RGS22: variants seen among roughly 807,000 people sequenced by gnomAD.
RGS22 encodes regulator of G protein signaling 22.
A neutral mutation model predicts 172.9 loss-of-function variants in RGS22; 148 were observed. That is an observed-to-expected ratio of 0.86 (90% CI 0.75 to 0.98). The LOEUF (loss-of-function observed/expected upper bound fraction) is 0.98, where lower values mean the gene tolerates loss of function less well. Among genes scored for constraint, RGS22 ranks in the 50% least tolerant of loss-of-function variants. RGS22 has a pLI of 0.00. For missense variants in RGS22, 1,347 were observed against 1,440.8 expected (o/e 0.93, Z 1.05); for synonymous variants, 458 against 480.2 (o/e 0.95, Z 0.60).
intron 23 of RGS22, among the ~76,000 whole-genome samples, chr8:99,972,218 C>A (rs968276575): frequency 1.3e-5 from 2 of 152,034 alleles, no homozygotes; most frequent in African/African-American, 2.4e-5. Context: ...TGAAACTGGA[C>A]CCCTTCCTTA....
chr8:100,085,720 G>A (rs1197369734), intron 3 of RGS22, among the ~76,000 whole-genome samples: 1 of 152,144 alleles, frequency 6.6e-6, no homozygotes, highest in Non-Finnish European at 1.5e-5. Context: ...TAAGAGGCAG[G>A]AAGGATGACA....
intron 23 of RGS22, among the ~76,000 whole-genome samples, chr8:99,969,034 G>A (rs764490089): frequency 1.0e-3 from 155 of 152,300 alleles, no homozygotes; most frequent in Non-Finnish European, 1.8e-3. Flanking sequence ...ACTGACAGCG[G>A]ATCTCTCGGC....
At chr8:100,024,614 T>C (rs891592181) in intron 14 of RGS22, among the ~76,000 whole-genome samples, 4 of 152,204 alleles carry the variant, frequency 2.6e-5, no homozygotes, top group Admixed American at 1.3e-4. Flanking sequence ...TTCATAAAGA[T>C]AGTTTAAGAT....
intron 14 of RGS22, among the ~76,000 whole-genome samples, chr8:100,035,602 T>C (rs1563646747): frequency 6.6e-6 from 1 of 152,218 alleles, no homozygotes; most frequent in South Asian, 2.1e-4. Context: ...GCGATCCCAT[T>C]ACTGGGTATA....
intron 14 of RGS22, among the ~76,000 whole-genome samples, chr8:100,035,082 G>A (rs1043345609): frequency 2.0e-5 from 3 of 152,132 alleles, no homozygotes; most frequent in African/African-American, 7.2e-5. Flanking sequence ...AAAAGCAATG[G>A]CAACAAAAGC....
intron 4 of RGS22, 49 bp from the exon 5 acceptor site, chr8:100,072,279 T>G: frequency 1.7e-6 from 2 of 1,164,390 alleles, no homozygotes; most frequent in East Asian, 4.8e-5. Flanking sequence ...AAAATCACTT[T>G]TAGGATGATT....
At chr8:99,962,467 G>A in intron 26 of RGS22, 24 bp from the exon 27 acceptor site, 1 of 1,610,516 alleles carries the variant, frequency 6.2e-7, no homozygotes, top group Non-Finnish European at 8.5e-7. Context: ...GAAGTTTTAT[G>A]TATATATTTA....
At chr8:100,078,195 G>A (rs1811495908) in intron 4 of RGS22, among the ~76,000 whole-genome samples, 1 of 151,840 alleles carries the variant, frequency 6.6e-6, no homozygotes, top group Non-Finnish European at 1.5e-5. Flanking sequence ...TTTACTTGGG[G>A]TGCTTACGCC....
chr8:100,088,834 G>A (rs1801000135), intron 3 of RGS22, among the ~76,000 whole-genome samples: 1 of 152,076 alleles, frequency 6.6e-6, no homozygotes, highest in African/African-American at 2.4e-5. Context: ...TACAGATAGG[G>A]AAAAAGTCTC....
intron 14 of RGS22, among the ~76,000 whole-genome samples, chr8:100,011,673 A>C (rs949137941): frequency 6.6e-6 from 1 of 152,236 alleles, no homozygotes; most frequent in African/African-American, 2.4e-5. Context: ...AATGGACTAG[A>C]TACTGACTCC....
intron 3 of RGS22, among the ~76,000 whole-genome samples, chr8:100,089,211 A>AACACAC (rs58302018): frequency 0.037 from 5,279 of 144,578 alleles, 317 homozygotes; most frequent in African/African-American, 0.12. Context: ...CACACACACA[A>AACACAC]ACACACACAC....
At chr8:100,092,508 T>C (rs1162637197) in intron 3 of RGS22, among the ~76,000 whole-genome samples, 1 of 152,150 alleles carries the variant, frequency 6.6e-6, no homozygotes, top group Non-Finnish European at 1.5e-5. Context: ...TGAGAGTGGG[T>C]TGGTTATCAA....
rs191605179 is a variant in RGS22, at chr8:99,977,568, G to A, written c.3519+349C>T. Reference sequence around the variant, plus strand: ...AGGACTTATAAAACAAGGATAAGGCGGATACTATCATTGAGGATCTTAGTC... The same window carrying A: ...AGGACTTATAAAACAAGGATAAGGCAGATACTATCATTGAGGATCTTAGTC... On this transcript the variant is annotated intron_variant, in intron 23 of 27. Coordinates refer to ENST00000360863, the MANE Select transcript of RGS22 (RefSeq NM_015668.5). Among the ~76,000 whole-genome samples the A allele has an allele frequency of 3.0e-4, 46 of 152,110 alleles. 1 individual carries two copies. In the East Asian group the frequency reaches 7.7e-3, roughly 26 times the overall value.
rs140682781 is a variant in RGS22 at position 100,054,913 on chromosome 8, C to T, written c.1515-1937G>A. 5.3e-3 allele frequency among the ~76,000 whole-genome samples: 814 copies of T among 152,330 alleles called. 6 individuals carry two copies. The highest frequency in any genetic ancestry group is 0.018 in the African/African-American group (747 of 41,578). ...TGATGGTGGTTGTGGGGTAAGGCTC[C>T]TCCACCTTTGGAAAGTGGAAGGAAC... On this transcript the variant is annotated intron_variant, in intron 9 of 27. Coordinates refer to ENST00000360863, the MANE Select transcript of RGS22 (RefSeq NM_015668.5).
At chr8:100,027,972 T>C (rs1050395570) in intron 14 of RGS22, among the ~76,000 whole-genome samples, 1 of 152,148 alleles carries the variant, frequency 6.6e-6, no homozygotes, top group African/African-American at 2.4e-5. Flanking sequence ...TATATGATCT[T>C]GTAAAATACA....
intron 22 of RGS22, 138 bp downstream of exon 22, chr8:99,981,799 C>A (rs1352160178): frequency 7.0e-5 from 30 of 427,306 alleles, no homozygotes; most frequent in East Asian, 1.2e-4. Context: ...TGAGCTCAAA[C>A]AATCTGCCTG....
intron 14 of RGS22, among the ~76,000 whole-genome samples, chr8:100,037,074 T>C (rs1481955532): frequency 6.6e-6 from 1 of 152,226 alleles, no homozygotes; most frequent in Non-Finnish European, 1.5e-5. Flanking sequence ...GCAGTTCTTG[T>C]ATCTTAAGTC....
At chr8:100,064,250 T>A (rs1315400147) in intron 7 of RGS22, among the ~76,000 whole-genome samples, 3 of 152,032 alleles carry the variant, frequency 2.0e-5, no homozygotes, top group Admixed American at 2.0e-4. Context: ...GGTGGATCAC[T>A]TGAGGTCAGG....
At chr8:100,009,740 T>C (rs1245181663) in intron 14 of RGS22, among the ~76,000 whole-genome samples, 1 of 152,208 alleles carries the variant, frequency 6.6e-6, no homozygotes, top group Non-Finnish European at 1.5e-5. Context: ...GATATAAATT[T>C]GTACCAAACA....
Sources: allele counts gnomAD v4.1 joint callset (sites outside exome capture counted in the v4.1 genomes callset), GRCh38; gene constraint gnomAD v4.1.1; transcripts MANE v1.5; gene names NCBI Gene and HGNC (gene_info 2026-07-23, HGNC 2026-07-21).